The following USP20 variants were observed in gnomAD, a reference collection of about 807,000 sequenced individuals.
USP20 encodes the protein ubiquitin carboxyl-terminal hydrolase 20.
Under a neutral mutation model 124.2 loss-of-function variants are expected in USP20, and 80 were observed. That is an observed-to-expected ratio of 0.64 (90% confidence interval 0.54 to 0.78). The LOEUF is 0.78. Among genes scored for constraint, USP20 ranks in the 30% least tolerant of loss-of-function variants. The pLI, the probability that USP20 is intolerant of heterozygous loss-of-function variation, is 0.00. For missense variants in USP20, 1,043 were observed against 1,244.4 expected, an observed-to-expected ratio of 0.84 and a Z score of 2.44; for synonymous variants, 481 against 512.3, an observed-to-expected ratio of 0.94 and a Z score of 0.83.
rs370286266 is a variant in USP20 at position 129,868,294 on chromosome 9, T to C, written c.980T>C (p.Met327Thr). 9 of 1,613,828 alleles carry C rather than the reference T, an allele frequency of 5.6e-6. No individual in the cohort carries two copies. In the African/African-American group the frequency reaches 8.0e-5, roughly 14 times the overall value. Residue 327 changes from methionine to threonine, a missense_variant, in exon 11 of 26, where the codon ATG becomes ACG. Coordinates refer to ENST00000372429, the MANE Select transcript of USP20 (RefSeq NM_001110303.4). ...AGRAISEKER[M>T]KDRKFSWGQQ... is the part of the protein sequence containing the mutation. ...CGAGCCATCTCTGAGAAGGAGCGGA[T>C]GAAGGACCGCAAGTTCTCCTGGGGC...
intron 1 of USP20, among the ~76,000 whole-genome samples, chr9:129,846,247 A>ATATATATATGTATTTTTTTTTTTTTTTTT (rs1554742656): frequency 6.1e-5 from 2 of 32,664 alleles, no homozygotes; most frequent in South Asian, 1.9e-3. Context: ...ATATATATAT[A>ATATATATATGTATTTTTTTTTTTTTTTTT]TTTTTTTTTT....
intron 1 of USP20, among the ~76,000 whole-genome samples, chr9:129,843,381 G>A (rs2032346781): frequency 6.6e-6 from 1 of 151,948 alleles, no homozygotes; most frequent in Non-Finnish European, 1.5e-5. Context: ...AGTGAGCAGA[G>A]ATCACGCCAC....
At position 129,874,774 on chromosome 9, in the gene USP20, C is replaced by G; in HGVS notation, c.1921+18C>G. ...GGCAGGCAGTGAGTCATGTCCCCTC[C>G]CCTGCCGTCCCCATCCGCTAGGATC... On this transcript the variant is annotated intron_variant, in intron 18 of 25. Transcript: ENST00000372429. 1.2e-6 allele frequency: 2 copies of G among 1,613,758 alleles called. No homozygotes were observed. Among genetic ancestry groups the G allele is most frequent in the Non-Finnish European group, 1.7e-6 (2 of 1,179,926 alleles).
rs145517187 is a variant in USP20, at chr9:129,880,548, G to A, written c.*98G>A. On this transcript the variant is annotated 3_prime_UTR_variant, in exon 26 of 26. Transcript: ENST00000372429. Reference sequence around the variant, plus strand: ...GCTGCAGAACCCCGCCGTGTAAAGAGGCAGAAAAGTTGGTTTGGTTTGCAG... The same window carrying A: ...GCTGCAGAACCCCGCCGTGTAAAGAAGCAGAAAAGTTGGTTTGGTTTGCAG... The A allele has an allele frequency of 1.3e-3, 580 of 456,058 alleles. 2 individuals are homozygous for A. The highest frequency in any genetic ancestry group is 0.011 in the African/African-American group (555 of 51,688). 28.3% of individuals were successfully genotyped at this position (456,058 alleles called of 1,614,324 possible). A position where few individuals can be genotyped will look rare whatever the true frequency, so the allele number is the denominator to read the frequency against.
intron 3 of USP20, among the ~76,000 whole-genome samples, chr9:129,855,938 G>T (rs1205516168): frequency 1.3e-5 from 2 of 152,206 alleles, no homozygotes; most frequent in African/African-American, 2.4e-5. Context: ...GTCTAATGGG[G>T]AGAAAGGCTG....
At chr9:129,873,591 G>T in intron 16 of USP20, 76 bp downstream of exon 16, 1 of 1,613,464 alleles carries the variant, frequency 6.2e-7, no homozygotes, top group Admixed American at 1.7e-5. Context: ...TTCCTGCAGA[G>T]AGCCCCCTAT....
chr9:129,870,253 C>T (rs1156858257), intron 14 of USP20, 200 bp from the exon 15 acceptor site: 9 of 599,310 alleles, frequency 1.5e-5, no homozygotes, highest in Non-Finnish European at 2.1e-5. Context: ...GCCAGGCTTG[C>T]GGAGAGATGA....
rs763574211 is a variant in USP20 at position 129,874,932 on chromosome 9, C to T, written c.2025C>T (p.Ala675=). 2.0e-5 allele frequency: 32 copies of T among 1,613,918 alleles called. No homozygotes were observed. Among genetic ancestry groups the T allele is most frequent in the East Asian group, 1.8e-4 (8 of 44,876 alleles). The change falls in exon 19 of 26, where the codon GCC becomes GCT. Residue 675 remains alanine, a synonymous_variant. Coordinates refer to ENST00000372429, the MANE Select transcript of USP20 (RefSeq NM_001110303.4). ...TEVHETVVQN[A]EGYVLFYRKS... is the part of the protein sequence containing the mutation. The stretch of plus-strand genomic sequence containing the variant: ...TCCACGAGACGGTGGTGCAGAACGC[C>T]GAGGGCTACGTACTCTTCTACAGGT...
chr9:129,867,482 G>C (rs1201828313), intron 10 of USP20, among the ~76,000 whole-genome samples: 1 of 152,164 alleles, frequency 6.6e-6, no homozygotes, highest in Non-Finnish European at 1.5e-5. Flanking sequence ...TGAGGGAGCA[G>C]GGGGAGCCAG....
chr9:129,860,201 G>T (rs918998379), intron 6 of USP20, among the ~76,000 whole-genome samples: 1 of 151,916 alleles, frequency 6.6e-6, no homozygotes, highest in Non-Finnish European at 1.5e-5. Context: ...ATAGTAGCGG[G>T]CACCTGTAGT....
intron 8 of USP20, among the ~76,000 whole-genome samples, chr9:129,861,881 A>G (rs1304634281): frequency 6.6e-6 from 1 of 152,188 alleles, no homozygotes; most frequent in Non-Finnish European, 1.5e-5. Flanking sequence ...CATCTGCAAG[A>G]GAGTATAAAT....
Position 129,863,204 on chromosome 9 carries a change from C to G in USP20, c.516C>G (p.Phe172Leu). ...ALSNCPPLTQ[F>L]FLECGGLVRT... is the part of the protein sequence containing the mutation. ...CACCCAGCCCGCCGCTGACTCAGTT[C>G]TTCTTGGAGTGTGGCGGCCTGGTGC... Residue 172 changes from phenylalanine to leucine, a missense_variant, in exon 9 of 26, where the codon TTC (phenylalanine) becomes TTG (leucine). Transcript: ENST00000372429. 6.5e-7 allele frequency: 1 copy of G among 1,541,680 alleles called. No homozygotes were observed. The highest frequency in any genetic ancestry group is 8.8e-7 in the Non-Finnish European group (1 of 1,139,036).
At chr9:129,837,884 G>C (rs1296246549) in intron 1 of USP20, among the ~76,000 whole-genome samples, 3 of 152,086 alleles carry the variant, frequency 2.0e-5, no homozygotes, top group Non-Finnish European at 4.4e-5. Context: ...TTTATTTAGA[G>C]TGTACACCCT....
At position 129,880,540 on chromosome 9, in the gene USP20, T is replaced by G; in HGVS notation, c.*90T>G. 1 of 475,244 alleles carries G rather than the reference T, an allele frequency of 2.1e-6. No individual in the cohort carries two copies. The highest frequency in any genetic ancestry group is 3.8e-6 in the Non-Finnish European group (1 of 263,790). 29.4% of individuals were successfully genotyped at this position (475,244 alleles called of 1,614,324 possible). Reference sequence around the variant, plus strand: ...GCCGGGCTGCTGCAGAACCCCGCCGTGTAAAGAGGCAGAAAAGTTGGTTTG... The same window carrying G: ...GCCGGGCTGCTGCAGAACCCCGCCGGGTAAAGAGGCAGAAAAGTTGGTTTG... On this transcript the variant is annotated 3_prime_UTR_variant, in exon 26 of 26. Transcript: ENST00000372429.
chr9:129,869,031 C>A, intron 12 of USP20, 29 bp downstream of exon 12: 1 of 1,584,080 alleles, frequency 6.3e-7, no homozygotes, highest in East Asian at 2.3e-5. Context: ...GGTGGGTCAG[C>A]TTGAGGCTGG....
Position 129,868,374 on chromosome 9 carries a change from A to G in USP20, c.1060A>G (p.Met354Val), listed in dbSNP as rs2033930901. 6.5e-7 allele frequency: 1 copy of G among 1,535,686 alleles called. No individual in the cohort carries two copies. Among genetic ancestry groups the G allele is most frequent in the East Asian group, 2.4e-5 (1 of 41,384 alleles). Reference sequence around the variant, plus strand: ...CGAGGACGCTGATGTGGACACTGCCATGGCTGCCCTTGACGACCAGCCCGC... The same window carrying G: ...CGAGGACGCTGATGTGGACACTGCCGTGGCTGCCCTTGACGACCAGCCCGC... Reference protein sequence around the residue: ...VDEDADVDTAMAALDDQPAEA... With the variant: ...VDEDADVDTAVAALDDQPAEA... The change falls in exon 11 of 26, where the codon ATG (methionine) becomes GTG (valine). Residue 354 changes from methionine to valine, a missense_variant. Physicochemically the swap from Met to Val is conservative, Grantham distance 21. Coordinates refer to ENST00000372429, the MANE Select transcript of USP20 (RefSeq NM_001110303.4).
At chr9:129,843,976 A>C (rs1398102869) in intron 1 of USP20, among the ~76,000 whole-genome samples, 1 of 151,736 alleles carries the variant, frequency 6.6e-6, no homozygotes, top group Non-Finnish European at 1.5e-5. Context: ...CTGAGGTAGG[A>C]GGATCACCTG....
rs542286779 is a variant in USP20, at chr9:129,868,440, C to G, written c.1126C>G (p.Arg376Gly). The G allele has an allele frequency of 6.2e-7, 1 of 1,609,944 alleles. No individual in the cohort carries two copies. The highest frequency in any genetic ancestry group is 1.1e-5 in the South Asian group (1 of 90,998). Residue 376 changes from arginine (R) to glycine (G), a missense_variant, in exon 11 of 26, where the codon CGG (arginine) becomes GGG (glycine). Coordinates refer to ENST00000372429, the MANE Select transcript of USP20 (RefSeq NM_001110303.4). ...PPSPRSSSPCRTPEPDNDAHL... is the reference protein window; with the variant it reads ...PPSPRSSSPCGTPEPDNDAHL... ...GTCACCACGGTCCTCCAGCCCCTGC[C>G]GGACGCCAGGTATCAGCTGGCCGGG...
In USP20 at chr9:129,869,695, C is replaced by T. The variant is rs200591527; in HGVS notation, c.1416C>T (p.Phe472=). The T allele has an allele frequency of 5.0e-5, 80 of 1,614,138 alleles. No individual in the cohort carries two copies. The highest frequency in any genetic ancestry group is 6.4e-5 in the Non-Finnish European group (76 of 1,180,036). Reference sequence around the variant, plus strand: ...AGGTATCCACCACAGTGGAAACGTTCCAGGACTTATCACTGCCCATTCCTG... The same window carrying T: ...AGGTATCCACCACAGTGGAAACGTTTCAGGACTTATCACTGCCCATTCCTG... The part of the protein sequence containing the change: ...CDRVSTTVET[F]QDLSLPIPGK... Residue 472 remains phenylalanine (F), a synonymous_variant, in exon 14 of 26, where the codon TTC becomes TTT. Transcript: ENST00000372429.
Sources: gnomAD v4.1 joint callset for allele counts (sites outside exome capture counted in the v4.1 genomes callset) on GRCh38, gnomAD v4.1.1 for gene constraint, MANE v1.5 for transcripts, NCBI Gene and HGNC (gene_info 2026-07-23, HGNC 2026-07-21) for gene names.